Variants in CSMD1 observed in about 807,000 individuals in gnomAD.
CSMD1 encodes CUB and Sushi multiple domains 1.
CSMD1 carries 213 observed loss-of-function variants against 417.5 expected under a neutral mutation model. The ratio of observed to expected loss-of-function variants is 0.51; its 90% CI spans 0.46 to 0.57. The LOEUF is 0.57. Among genes scored for constraint, CSMD1 ranks in the 20% least tolerant of loss-of-function variants. CSMD1 has a pLI of 0.00. For missense variants in CSMD1, 6,923 were observed against 4,529.7 expected (o/e 1.53, Z -15.17); for synonymous variants, 2,862 against 1,736.8 (o/e 1.65, Z -16.11).
At chr8:4,067,488 T>C (rs1001167878) in intron 3 of CSMD1, among the ~76,000 whole-genome samples, 2 of 152,184 alleles carry the variant, frequency 1.3e-5, no homozygotes, top group East Asian at 3.9e-4. Flanking sequence ...AATTACTTTT[T>C]TTTTTAATTT....
rs748711084 is a variant in CSMD1, at chr8:3,096,912, T to C, written c.7075A>G (p.Ile2359Val). 16 of 1,556,916 alleles carry C rather than the reference T, an allele frequency of 1.0e-5. No individual in the cohort carries two copies. The highest frequency in any genetic ancestry group is 4.1e-5 in the African/African-American group (3 of 73,548). The change falls in exon 47 of 70, where the codon ATT (isoleucine) becomes GTT (valine). Residue 2359 changes from isoleucine (I) to valine (V), a missense_variant. Transcript: ENST00000635120. ...TGAAATGTGTCCACAAAGATGGTAA[T>C]GTTGTAGTTTGGTTCCACTTTAATA... ...WSIKVEPNYNITIFVDTFQSE... is the reference protein window; with the variant it reads ...WSIKVEPNYNVTIFVDTFQSE...
At chr8:3,507,318 TAAA>T (rs1473556812) in intron 10 of CSMD1, among the ~76,000 whole-genome samples, 1 of 152,198 alleles carries the variant, frequency 6.6e-6, no homozygotes, top group African/African-American at 2.4e-5. Context: ...TCCATGTCCC[TAAA>T]AAGGACATGA....
chr8:4,112,982 T>C (rs895641593), intron 3 of CSMD1, among the ~76,000 whole-genome samples: 5 of 152,126 alleles, frequency 3.3e-5, no homozygotes, highest in South Asian at 2.1e-4. Flanking sequence ...ATTTCAAAAG[T>C]TGTTGTTATT....
At position 3,681,160 on chromosome 8, in the gene CSMD1, T is replaced by C. The variant is rs60314868; in HGVS notation, c.1009+27254A>G. Among the ~76,000 whole-genome samples, 136 of 152,270 alleles carry C rather than the reference T, an allele frequency of 8.9e-4. No individual in the cohort carries two copies. In the East Asian group the frequency reaches 9.1e-3, roughly 10 times the overall value. ...GGGATGCCCTCTTTCACCACTCCTA[T>C]TCAACATAGTGTTGGAAGTTCTGGC... is the stretch of plus-strand genomic sequence containing the variant. On this transcript the variant is annotated intron_variant, in intron 7 of 69. Transcript: ENST00000635120.
intron 3 of CSMD1, among the ~76,000 whole-genome samples, chr8:4,359,927 G>A (rs1313810760): frequency 2.0e-5 from 3 of 152,140 alleles, no homozygotes; most frequent in African/African-American, 7.2e-5. Context: ...TCAACGTTCA[G>A]TGAAAGAATG....
intron 2 of CSMD1, among the ~76,000 whole-genome samples, chr8:4,457,469 G>A (rs576581832): frequency 1.3e-5 from 2 of 151,992 alleles, no homozygotes; most frequent in Non-Finnish European, 2.9e-5. Context: ...TTGCTTATTG[G>A]AAAAGATTAC....
At chr8:4,904,655 G>A (rs895383729) in intron 1 of CSMD1, among the ~76,000 whole-genome samples, 5 of 152,116 alleles carry the variant, frequency 3.3e-5, no homozygotes, top group African/African-American at 7.2e-5. Context: ...AAGTTCAAGA[G>A]TGTTGTGAGC....
At chr8:4,446,375 C>A (rs955956935) in intron 2 of CSMD1, among the ~76,000 whole-genome samples, 1 of 151,972 alleles carries the variant, frequency 6.6e-6, no homozygotes, top group South Asian at 2.1e-4. Context: ...TGGCAGAACC[C>A]CAACTCCATA....
chr8:4,604,410 T>TGTGTGTGTGTGTGTGCGCGC (rs59349269), intron 2 of CSMD1, among the ~76,000 whole-genome samples: 6 of 146,146 alleles, frequency 4.1e-5, no homozygotes, highest in African/African-American at 1.3e-4. Context: ...TGTGTGTGTG[T>TGTGTGTGTGTGTGTGCGCGC]GCGCGTGCGT....
intron 1 of CSMD1, among the ~76,000 whole-genome samples, chr8:4,768,337 G>A (rs187691961): frequency 3.3e-5 from 5 of 151,914 alleles, no homozygotes; most frequent in South Asian, 2.1e-4. Flanking sequence ...AACATGAGCC[G>A]GTACACAGAG....
chr8:4,950,832 A>G (rs1808695218), intron 1 of CSMD1, among the ~76,000 whole-genome samples: 1 of 152,132 alleles, frequency 6.6e-6, no homozygotes, highest in South Asian at 2.1e-4. Context: ...CATTAGGAGC[A>G]CCACTCAACC....
intron 48 of CSMD1, among the ~76,000 whole-genome samples, chr8:3,089,297 C>A (rs1409177851): frequency 1.3e-5 from 2 of 152,206 alleles, no homozygotes; most frequent in Non-Finnish European, 2.9e-5. Flanking sequence ...GTGTGAATGC[C>A]AAACCAGTCT....
Position 4,543,616 on chromosome 8 carries a change from A to G in CSMD1, c.302+93726T>C, listed in dbSNP as rs545167126. On this transcript the variant is annotated intron_variant, in intron 2 of 69. Transcript: ENST00000635120. Reference sequence around the variant, plus strand: ...TTTGTATGAACATAAGTTTCAATTCATTTCAGTAGATACCTATGATGGCTG... The same window carrying G: ...TTTGTATGAACATAAGTTTCAATTCGTTTCAGTAGATACCTATGATGGCTG... Among the ~76,000 whole-genome samples, 611 of 132,300 alleles carry G rather than the reference A, an allele frequency of 4.6e-3. 7 individuals are homozygous for G. In the Middle Eastern group the frequency reaches 0.08, roughly 17 times the overall value. 86.8% of individuals were successfully genotyped at this position (132,300 alleles called of 152,430 possible). A position where few individuals can be genotyped will look rare whatever the true frequency, so the allele number is the denominator to read the frequency against.
In CSMD1 at chr8:4,510,468, G is replaced by C. The variant is rs749165256; in HGVS notation, c.303-90403C>G. Among the ~76,000 whole-genome samples, 3 of 137,786 alleles carry C rather than the reference G, an allele frequency of 2.2e-5. No individual in the cohort carries two copies. In the East Asian group the frequency reaches 6.5e-4, roughly 30 times the overall value. 90.4% of individuals were successfully genotyped at this position (137,786 alleles called of 152,430 possible). A position where few individuals can be genotyped will look rare whatever the true frequency, so the allele number is the denominator to read the frequency against. On this transcript the variant is annotated intron_variant, in intron 2 of 69. Transcript: ENST00000635120. ...ATACGCTTTATTAACTAAGGGACAA[G>C]GGAAGAGACTTCCTCTTCTACCTCA...
chr8:4,598,024 G>T (rs914537020), intron 2 of CSMD1, among the ~76,000 whole-genome samples: 1 of 151,398 alleles, frequency 6.6e-6, no homozygotes, highest in East Asian at 1.9e-4. Context: ...AGGTTCTTTA[G>T]AACATTTATC....
intron 2 of CSMD1, among the ~76,000 whole-genome samples, chr8:4,445,802 G>T (rs538514284): frequency 2.0e-5 from 3 of 152,196 alleles, no homozygotes; most frequent in South Asian, 2.1e-4. Context: ...AGAAATAGAT[G>T]ATTAACGAGA....
intron 3 of CSMD1, among the ~76,000 whole-genome samples, chr8:4,287,520 G>C (rs890968258): frequency 6.6e-6 from 1 of 152,050 alleles, no homozygotes; most frequent in African/African-American, 2.4e-5. Flanking sequence ...CACCACACAT[G>C]TTGCAGCTTC....
chr8:4,773,163 A>T (rs1399960341), intron 1 of CSMD1, among the ~76,000 whole-genome samples: 1 of 152,186 alleles, frequency 6.6e-6, no homozygotes, highest in Admixed American at 6.5e-5. Flanking sequence ...CAGAAATCTG[A>T]AATGTTCCTG....
chr8:3,454,824 C>T (rs946774243), intron 12 of CSMD1, among the ~76,000 whole-genome samples: 2 of 152,096 alleles, frequency 1.3e-5, no homozygotes, highest in Non-Finnish European at 2.9e-5. Flanking sequence ...ATCTTTGTGG[C>T]ATTCTCTGTA....
Sources: allele counts gnomAD v4.1 joint callset (sites outside exome capture counted in the v4.1 genomes callset), GRCh38; gene constraint gnomAD v4.1.1; transcripts MANE v1.5; gene names NCBI Gene and HGNC (gene_info 2026-07-23, HGNC 2026-07-21).